Variants in TRAPPC9 observed in about 807,000 individuals in gnomAD.
TRAPPC9 encodes IKK2 binding protein.
TRAPPC9 carries 83 observed loss-of-function variants against 124.0 expected under a neutral mutation model. The ratio of observed to expected loss-of-function variants is 0.67; its 90% CI spans 0.56 to 0.80. The LOEUF (loss-of-function observed/expected upper bound fraction) is 0.80, where lower values mean the gene tolerates loss of function less well. Ranked by LOEUF, TRAPPC9 falls within the 30% of genes least tolerant of loss-of-function variation. The pLI is 0.00. For missense variants in TRAPPC9, 1,302 were observed against 1,508.3 expected, an observed-to-expected ratio of 0.86 and a Z score of 2.27; for synonymous variants, 638 against 617.5, an observed-to-expected ratio of 1.03 and a Z score of -0.49.
At chr8:140,041,934 G>A (rs902522268) in intron 17 of TRAPPC9, among the ~76,000 whole-genome samples, 1 of 151,446 alleles carries the variant, frequency 6.6e-6, no homozygotes, top group African/African-American at 2.4e-5. Flanking sequence ...TCGCACCACT[G>A]TACTCCAGCC....
intron 15 of TRAPPC9, among the ~76,000 whole-genome samples, chr8:140,272,873 A>C (rs4376480): frequency 0.65 from 94,695 of 145,076 alleles, 31,116 homozygotes; most frequent in Middle Eastern, 0.77. Context: ...CCCCCACCAG[A>C]CCCCCCTCCA....
chr8:139,843,150 G>A (rs1047793287), intron 21 of TRAPPC9, among the ~76,000 whole-genome samples: 1 of 152,258 alleles, frequency 6.6e-6, no homozygotes, highest in East Asian at 1.9e-4. Flanking sequence ...GGGCTAAGTG[G>A]AAGAACACGT....
chr8:140,330,707 G>C (rs2066872259), intron 9 of TRAPPC9, among the ~76,000 whole-genome samples: 3 of 152,222 alleles, frequency 2.0e-5, no homozygotes, highest in South Asian at 4.1e-4. Flanking sequence ...CCCAGAAGAA[G>C]AAATTATATT....
intron 7 of TRAPPC9, among the ~76,000 whole-genome samples, chr8:140,388,892 C>T (rs886767121): frequency 1.4e-5 from 2 of 146,568 alleles, no homozygotes; most frequent in African/African-American, 5.0e-5. Flanking sequence ...CGTGCTACAA[C>T]ATGGATGAAC....
intron 17 of TRAPPC9, among the ~76,000 whole-genome samples, chr8:140,179,506 T>C (rs893431274): frequency 2.0e-5 from 3 of 152,132 alleles, no homozygotes; most frequent in Non-Finnish European, 4.4e-5. Context: ...ATATGGTCTA[T>C]CTTACCAAAT....
intron 19 of TRAPPC9, among the ~76,000 whole-genome samples, chr8:139,925,117 C>T (rs1473503653): frequency 6.6e-6 from 1 of 152,226 alleles, no homozygotes; most frequent in African/African-American, 2.4e-5. Context: ...GGGAGTAAAA[C>T]AAAAGCAGCA....
In TRAPPC9 at chr8:140,071,758, C is replaced by T. The variant is rs184135337; in HGVS notation, c.2557-47679G>A. On this transcript the variant is annotated intron_variant, in intron 17 of 22. Transcript: ENST00000438773. ...GGCCTCTCTGGACAAGCAGATACCA[C>T]GCTCTGGCTCATAAAACGCACAAAA... Among the ~76,000 whole-genome samples, 12 of 152,294 alleles carry T rather than the reference C, an allele frequency of 7.9e-5. No homozygotes were observed. The South Asian group carries it at 1.2e-3, about 16-fold the overall frequency.
rs528127268 is a variant in TRAPPC9 at position 139,987,797 on chromosome 8, T to C, written c.2810+929A>G. 9.2e-5 allele frequency among the ~76,000 whole-genome samples: 14 copies of C among 152,266 alleles called. No individual in the cohort carries two copies. The South Asian group carries it at 2.3e-3, about 25-fold the overall frequency. On this transcript the variant is annotated intron_variant, in intron 19 of 22. Transcript: ENST00000438773. Reference sequence around the variant, plus strand: ...CAGGGGCCACTGAGGGGCTCCGCCATGGAAGGACAGCATCACCCCGGAGTC... The same window carrying C: ...CAGGGGCCACTGAGGGGCTCCGCCACGGAAGGACAGCATCACCCCGGAGTC...
In TRAPPC9 at chr8:140,360,210, A is replaced by G. The variant is rs763526228; in HGVS notation, c.1352-17T>C. 1 of 1,614,108 alleles carries G rather than the reference A, an allele frequency of 6.2e-7. No individual in the cohort carries two copies. The highest frequency in any genetic ancestry group is 8.5e-7 in the Non-Finnish European group (1 of 1,179,980). ...TGTGCGTGCCTGCGATGGAAGTTACAAAACATCACAAAAGTGCTTGGAGAG... is the reference window on the plus strand; with the variant it reads ...TGTGCGTGCCTGCGATGGAAGTTACGAAACATCACAAAAGTGCTTGGAGAG... On this transcript the variant is annotated splice_polypyrimidine_tract_variant and intron_variant, in intron 8 of 22. Coordinates refer to ENST00000438773, the MANE Select transcript of TRAPPC9 (RefSeq NM_001160372.4).
At chr8:140,121,802 A>G (rs1026173394) in intron 17 of TRAPPC9, among the ~76,000 whole-genome samples, 3 of 152,154 alleles carry the variant, frequency 2.0e-5, no homozygotes, top group Non-Finnish European at 4.4e-5. Context: ...TGATAAATAC[A>G]GCAGAGTCGT....
At position 139,732,161 on chromosome 8, in the gene TRAPPC9, C is replaced by T. The variant is rs1334527737; in HGVS notation, c.3097G>A (p.Ala1033Thr). 6.2e-7 allele frequency: 1 copy of T among 1,601,964 alleles called. No individual in the cohort carries two copies. Among genetic ancestry groups the T allele is most frequent in the Non-Finnish European group, 8.5e-7 (1 of 1,176,948 alleles). The part of the protein sequence containing the change: ...DGQPCDREAV[A>T]ACQVGDPVRL... ...ACGGGGTCGCCCACCTGGCAGGCCG[C>T]CACAGCCTCGCGGTCACATGGCTGT... Residue 1033 changes from alanine to threonine, a missense_variant, in exon 22 of 23, where the codon GCG becomes ACG. Physicochemically the swap from Ala to Thr is moderately conservative, Grantham distance 58. This residue lies in a region of TRAPPC9 where 640 missense variants were observed against 679.3 expected (regional missense o/e 0.94). Transcript: ENST00000438773.
chr8:139,966,665 T>C (rs1038837165), intron 19 of TRAPPC9, among the ~76,000 whole-genome samples: 2 of 152,214 alleles, frequency 1.3e-5, no homozygotes, highest in African/African-American at 4.8e-5. Context: ...TAACAAAACC[T>C]TCTCAAGAGC....
chr8:139,768,666 A>C (rs950847271), intron 21 of TRAPPC9, among the ~76,000 whole-genome samples: 16 of 152,194 alleles, frequency 1.1e-4, no homozygotes, highest in Non-Finnish European at 1.3e-4. Flanking sequence ...TTAATTCATC[A>C]ACAGGGGTTA....
chr8:140,270,018 T>C (rs1261338077), intron 15 of TRAPPC9, among the ~76,000 whole-genome samples: 2 of 151,866 alleles, frequency 1.3e-5, no homozygotes, highest in African/African-American at 4.8e-5. Flanking sequence ...GAGAATCTCT[T>C]GAACCTGGGA....
chr8:140,406,882 A>G (rs933155745), intron 5 of TRAPPC9, among the ~76,000 whole-genome samples: 2 of 152,218 alleles, frequency 1.3e-5, no homozygotes, highest in South Asian at 2.1e-4. Flanking sequence ...TTGGAAAAAT[A>G]TATCTCAAAT....
At chr8:140,067,580 A>C (rs1222876392) in intron 17 of TRAPPC9, among the ~76,000 whole-genome samples, 1 of 152,206 alleles carries the variant, frequency 6.6e-6, no homozygotes, top group Non-Finnish European at 1.5e-5. Context: ...GCATCTAAGC[A>C]AAGAAAAGAA....
chr8:140,386,531 C>G (rs554522684), intron 7 of TRAPPC9, among the ~76,000 whole-genome samples: 1 of 152,186 alleles, frequency 6.6e-6, no homozygotes, highest in South Asian at 2.1e-4. Context: ...AACAGACAAA[C>G]AGAGAGCCAA....
Position 139,777,097 on chromosome 8 carries a change from G to A in TRAPPC9, c.3056-44895C>T, listed in dbSNP as rs1821446652. Reference sequence around the variant, plus strand: ...CTCCTGCTCTGATCATCTTTCAAGAGTCAGTTCAACTGCCACCTTCTCCAG... The same window carrying A: ...CTCCTGCTCTGATCATCTTTCAAGAATCAGTTCAACTGCCACCTTCTCCAG... On this transcript the variant is annotated intron_variant, in intron 21 of 22. Transcript: ENST00000438773. Among the ~76,000 whole-genome samples the A allele has an allele frequency of 2.0e-5, 3 of 152,190 alleles. No individual in the cohort carries two copies. The South Asian group carries it at 6.2e-4, about 32-fold the overall frequency.
rs571130969 is a variant in TRAPPC9 at position 139,995,302 on chromosome 8, AC to A, written c.2700-6467del. 6.6e-5 allele frequency among the ~76,000 whole-genome samples: 10 copies of A among 152,328 alleles called. No homozygotes were observed. In the South Asian group the frequency reaches 2.1e-3, roughly 32 times the overall value. The stretch of plus-strand genomic sequence containing the variant: ...CCTGGTCCAACAAGTGGGAAAAGGT[AC>A]TATGAAGGGCCACAGAAAGTAGGAG... On this transcript the variant is annotated intron_variant, in intron 18 of 22. Transcript: ENST00000438773.
Sources: gnomAD v4.1 joint callset for allele counts (sites outside exome capture counted in the v4.1 genomes callset) on GRCh38, gnomAD v4.1.1 for gene constraint, gnomAD v4.1.1 regional missense constraint, MANE v1.5 for transcripts, NCBI Gene and HGNC (gene_info 2026-07-23, HGNC 2026-07-21) for gene names.